ST18: variants seen among roughly 807,000 people sequenced by gnomAD.
ST18 encodes the protein ST18 C2H2C-type zinc finger transcription factor.
A neutral mutation model predicts 110.0 loss-of-function variants in ST18; 50 were observed. That is an observed-to-expected ratio of 0.45 (90% confidence interval 0.36 to 0.58). ST18 has a LOEUF of 0.58. Among genes scored for constraint, ST18 ranks in the 20% least tolerant of loss-of-function variants. ST18 has a pLI of 0.00. For synonymous variants in ST18, 461 were observed against 452.4 expected (o/e 1.02, Z -0.24); for missense variants, 1,306 against 1,280.1 (o/e 1.02, Z -0.31).
intron 2 of ST18, among the ~76,000 whole-genome samples, chr8:52,382,479 A>G (rs1834927572): frequency 6.6e-6 from 1 of 152,246 alleles, no homozygotes; most frequent in Non-Finnish European, 1.5e-5. Flanking sequence ...TTTTAGCTTA[A>G]TCTTGAAGGC....
intron 2 of ST18, among the ~76,000 whole-genome samples, chr8:52,239,780 G>A (rs2093195713): frequency 6.6e-6 from 1 of 151,864 alleles, no homozygotes; most frequent in African/African-American, 2.4e-5. Flanking sequence ...ATGGGAGAAC[G>A]GTTTCCATTT....
At chr8:52,251,614 G>A (rs3901453) in intron 2 of ST18, among the ~76,000 whole-genome samples, 32,191 of 151,890 alleles carry the variant, frequency 0.21, 4,022 homozygotes, top group Middle Eastern at 0.39. Context: ...GAAAGACAAT[G>A]CAGCTCATTA....
chr8:52,328,551 C>G (rs917861276), intron 2 of ST18, among the ~76,000 whole-genome samples: 9 of 152,170 alleles, frequency 5.9e-5, no homozygotes, highest in African/African-American at 1.9e-4. Flanking sequence ...ATTTACAAAA[C>G]TCTTAAAGAC....
intron 2 of ST18, among the ~76,000 whole-genome samples, chr8:52,342,507 G>A (rs966496669): frequency 6.6e-6 from 1 of 152,174 alleles, no homozygotes; most frequent in Non-Finnish European, 1.5e-5. Context: ...GAGAACATGA[G>A]TGTTAGTTTA....
chr8:52,260,655 A>G (rs1327926569), intron 2 of ST18, among the ~76,000 whole-genome samples: 1 of 152,178 alleles, frequency 6.6e-6, no homozygotes, highest in Non-Finnish European at 1.5e-5. Context: ...AAGTCATTCT[A>G]GCTCCACAGG....
chr8:52,314,269 C>G (rs957015345), intron 2 of ST18, among the ~76,000 whole-genome samples: 36 of 152,208 alleles, frequency 2.4e-4, no homozygotes, highest in African/African-American at 8.2e-4. Context: ...TGCCTCCAGG[C>G]CATGGACACA....
At chr8:52,142,816 C>A in intron 17 of ST18, 114 bp downstream of exon 17, 1 of 738,284 alleles carries the variant, frequency 1.4e-6, no homozygotes, top group South Asian at 1.9e-5. Context: ...TAACTGCTGA[C>A]TGGTAGAAAT....
chr8:52,324,809 A>G (rs536282271), intron 2 of ST18, among the ~76,000 whole-genome samples: 2 of 152,304 alleles, frequency 1.3e-5, no homozygotes, highest in African/African-American at 4.8e-5. Context: ...GTGAAGTTCT[A>G]TTTTTATGGC....
chr8:52,163,979 T>C lies in ST18; in HGVS notation c.1400+7A>G. The C allele has an allele frequency of 6.2e-7, 1 of 1,610,558 alleles. No individual in the cohort carries two copies. The highest frequency in any genetic ancestry group is 8.5e-7 in the Non-Finnish European group (1 of 1,176,998). ...AGAGCACTGAGAACATCGTTAGGGGTTCATACCTGTGGGCCTGGTCAGGAC... is the reference window on the plus strand; with the variant it reads ...AGAGCACTGAGAACATCGTTAGGGGCTCATACCTGTGGGCCTGGTCAGGAC... On this transcript the variant is annotated splice_region_variant and intron_variant, in intron 13 of 25. Transcript: ENST00000689386.
chr8:52,324,692 A>G (rs1377997064), intron 2 of ST18, among the ~76,000 whole-genome samples: 1 of 152,210 alleles, frequency 6.6e-6, no homozygotes, highest in African/African-American at 2.4e-5. Flanking sequence ...TAAGGTACAT[A>G]TTATCAATGT....
intron 22 of ST18, among the ~76,000 whole-genome samples, chr8:52,127,124 A>G (rs994721919): frequency 2.6e-5 from 4 of 152,196 alleles, no homozygotes; most frequent in South Asian, 2.1e-4. Flanking sequence ...AGCTTGGGAC[A>G]TTTGGCAGGG....
At chr8:52,130,094 A>AAG (rs1451918828) in intron 22 of ST18, among the ~76,000 whole-genome samples, 118 of 108,478 alleles carry the variant, frequency 1.1e-3, no homozygotes, top group South Asian at 8.9e-3. Flanking sequence ...GAAAGAAAGA[A>AAG]AAAGAAAGAA....
chr8:52,187,950 C>T (rs893488217), intron 8 of ST18, among the ~76,000 whole-genome samples: 4 of 152,168 alleles, frequency 2.6e-5, no homozygotes, highest in Admixed American at 2.0e-4. Flanking sequence ...CAAAACTCAA[C>T]AATTATTCAG....
rs1006444517 is a variant in ST18 at position 52,110,960 on chromosome 8, T to TA, written c.*2237dup. ...AGTATACAAACAAACTACCTCAAAT[T>TA]AAAAAAAATGCATACATCATTGCCT... is the stretch of plus-strand genomic sequence containing the variant. On this transcript the variant is annotated 3_prime_UTR_variant, in exon 26 of 26. Transcript: ENST00000689386. 1.3e-5 allele frequency: 5 copies of TA among 397,746 alleles called. No individual in the cohort carries two copies. In the Admixed American group the frequency reaches 1.3e-4, roughly 11 times the overall value. The allele number at this position is 397,746 out of a possible 1,614,324, so 24.6% of individuals were successfully genotyped here.
At chr8:52,142,684 C>T (rs1480262202) in intron 17 of ST18, among the ~76,000 whole-genome samples, 1 of 152,162 alleles carries the variant, frequency 6.6e-6, no homozygotes, top group Non-Finnish European at 1.5e-5. Context: ...AAATGGTTAT[C>T]AGTTTAAGAA....
intron 2 of ST18, among the ~76,000 whole-genome samples, chr8:52,305,965 A>G (rs2095805765): frequency 6.6e-6 from 1 of 152,166 alleles, no homozygotes; most frequent in Non-Finnish European, 1.5e-5. Context: ...TGTCTCTCAG[A>G]GGGAAGTCCT....
At chr8:52,333,006 C>T (rs535398208) in intron 2 of ST18, among the ~76,000 whole-genome samples, 30 of 152,124 alleles carry the variant, frequency 2.0e-4, no homozygotes, top group Non-Finnish European at 3.4e-4. Flanking sequence ...GAATCACTTG[C>T]CCCAAACATA....
rs572515940 is a variant in ST18, at chr8:52,247,067, C to T, written c.-464-16990G>A. 2.0e-5 allele frequency among the ~76,000 whole-genome samples: 3 copies of T among 152,292 alleles called. No individual in the cohort carries two copies. The East Asian group carries it at 5.8e-4, about 29-fold the overall frequency. On this transcript the variant is annotated intron_variant, in intron 2 of 25. Transcript: ENST00000689386. The stretch of plus-strand genomic sequence containing the variant: ...TTATTCTCTAGGAAGCATTTTATAG[C>T]TCCTCTTAGATGGGGATCCTTAGGG...
At chr8:52,279,842 C>A (rs1354767466) in intron 2 of ST18, among the ~76,000 whole-genome samples, 1 of 152,116 alleles carries the variant, frequency 6.6e-6, no homozygotes, top group African/African-American at 2.4e-5. Flanking sequence ...CAAATAGATA[C>A]ACCTCTAAGG....
Sources: gnomAD v4.1 joint callset for allele counts (sites outside exome capture counted in the v4.1 genomes callset) on GRCh38, gnomAD v4.1.1 for gene constraint, MANE v1.5 for transcripts, NCBI Gene and HGNC (gene_info 2026-07-23, HGNC 2026-07-21) for gene names.